Variants in AGO2 observed in about 807,000 individuals in gnomAD.
AGO2 encodes argonaute RISC catalytic component 2, also known as protein argonaute-2.
Under a neutral mutation model 102.3 loss-of-function variants are expected in AGO2, and 5 were observed. That is an observed-to-expected ratio of 0.05 (90% CI 0.03 to 0.10). AGO2 has a LOEUF of 0.10. Among genes scored for constraint, AGO2 ranks in the 10% least tolerant of loss-of-function variants. AGO2 has a pLI of 1.00. For synonymous variants in AGO2, 449 were observed against 473.1 expected, an observed-to-expected ratio of 0.95 and a Z score of 0.66; for missense variants, 541 against 1,183.7, an observed-to-expected ratio of 0.46 and a Z score of 7.97.
intron 1 of AGO2, among the ~76,000 whole-genome samples, chr8:140,622,101 G>A (rs967277660): frequency 4.6e-5 from 7 of 152,216 alleles, no homozygotes; most frequent in African/African-American, 9.6e-5. Context: ...CGTGTGAACC[G>A]TGAAGACATG....
At chr8:140,629,607 C>T (rs896312224) in intron 1 of AGO2, among the ~76,000 whole-genome samples, 2 of 151,952 alleles carry the variant, frequency 1.3e-5, no homozygotes, top group East Asian at 3.9e-4. Flanking sequence ...TGGGAGGCTG[C>T]GGCAGGTGGG....
chr8:140,579,008 C>T (rs1440954494), intron 2 of AGO2, among the ~76,000 whole-genome samples: 4 of 152,144 alleles, frequency 2.6e-5, no homozygotes, highest in East Asian at 3.9e-4. Flanking sequence ...TTTCACATAA[C>T]GATAAAGCTA....
At chr8:140,586,009 A>G (rs1318310724) in intron 1 of AGO2, among the ~76,000 whole-genome samples, 1 of 152,248 alleles carries the variant, frequency 6.6e-6, no homozygotes, top group African/African-American at 2.4e-5. Context: ...TGAGAAAACT[A>G]ACATGCTTTC....
chr8:140,633,070 G>A (rs1400336989), intron 1 of AGO2, among the ~76,000 whole-genome samples: 1 of 151,848 alleles, frequency 6.6e-6, no homozygotes, highest in African/African-American at 2.4e-5. Flanking sequence ...GCACCACCAC[G>A]CCCAGCTAAT....
At chr8:140,608,623 A>G (rs884934) in intron 1 of AGO2, among the ~76,000 whole-genome samples, 124,352 of 152,174 alleles carry the variant, frequency 0.82, 51,118 homozygotes, top group African/African-American at 0.86. Context: ...GCAGCACCGC[A>G]TGCCACCTGG....
intron 13 of AGO2, among the ~76,000 whole-genome samples, chr8:140,545,085 A>G (rs1175295222): frequency 6.6e-6 from 1 of 152,116 alleles, no homozygotes; most frequent in Admixed American, 6.5e-5. Flanking sequence ...AACCAGGTAC[A>G]TGAGGCCCTC....
chr8:140,618,503 T>C (rs1018836561), intron 1 of AGO2, among the ~76,000 whole-genome samples: 1 of 149,684 alleles, frequency 6.7e-6, no homozygotes, highest in African/African-American at 2.5e-5. Context: ...AGAACTATTG[T>C]AAATATACAA....
At chr8:140,633,598 G>A (rs2152112432) in intron 1 of AGO2, among the ~76,000 whole-genome samples, 1 of 152,306 alleles carries the variant, frequency 6.6e-6, no homozygotes, top group South Asian at 2.1e-4. Flanking sequence ...CAGTGAGCTG[G>A]GGTGGCTTCC....
intron 1 of AGO2, among the ~76,000 whole-genome samples, chr8:140,593,765 A>T (rs1041890310): frequency 6.6e-6 from 1 of 152,136 alleles, no homozygotes; most frequent in Non-Finnish European, 1.5e-5. Flanking sequence ...CGGGCAAGGC[A>T]GGCAGGATCC....
At chr8:140,564,407 T>C (rs1040224754) in intron 3 of AGO2, among the ~76,000 whole-genome samples, 3 of 152,168 alleles carry the variant, frequency 2.0e-5, no homozygotes, top group Admixed American at 6.5e-5. Flanking sequence ...ACTCTTTAAA[T>C]AAATGTACAT....
At chr8:140,631,388 G>A (rs1240056844) in intron 1 of AGO2, among the ~76,000 whole-genome samples, 6 of 151,934 alleles carry the variant, frequency 3.9e-5, no homozygotes, top group African/African-American at 1.2e-4. Flanking sequence ...CCAAAAATAC[G>A]AAAATTAGCC....
At chr8:140,556,833 C>T (rs576490803) in intron 8 of AGO2, among the ~76,000 whole-genome samples, 3 of 152,148 alleles carry the variant, frequency 2.0e-5, no homozygotes, top group Non-Finnish European at 2.9e-5. Context: ...CCTCGCGCTG[C>T]GGGGCCTGCT....
intron 3 of AGO2, among the ~76,000 whole-genome samples, chr8:140,569,870 G>A (rs959517140): frequency 6.6e-6 from 1 of 152,192 alleles, no homozygotes; most frequent in Non-Finnish European, 1.5e-5. Flanking sequence ...AGGGCGATGT[G>A]ACACGGGCCC....
intron 17 of AGO2, 123 bp downstream of exon 17, chr8:140,535,345 T>G: frequency 4.1e-6 from 4 of 985,960 alleles, no homozygotes; most frequent in East Asian, 2.7e-5. Flanking sequence ...GGTTCCCTGG[T>G]ACTGCCTGTG....
At chr8:140,607,896 G>T (rs2074025278) in intron 1 of AGO2, among the ~76,000 whole-genome samples, 1 of 152,104 alleles carries the variant, frequency 6.6e-6, no homozygotes, top group Non-Finnish European at 1.5e-5. Flanking sequence ...TAACGCAGTT[G>T]AGTTATGTAC....
rs1230210239 is a variant in AGO2, at chr8:140,539,924, TAAA to T, written c.2035-473_2035-471del. Among the ~76,000 whole-genome samples the T allele has an allele frequency of 6.6e-6, 1 of 151,978 alleles. No individual in the cohort carries two copies. Among genetic ancestry groups the T allele is most frequent in the Non-Finnish European group, 1.5e-5 (1 of 67,994 alleles). ...CAACATGGTGAAACCCCATTTCTACTAAAAATACAAAAATTAACTGGGCGTGGT... is the reference window on the plus strand; with the variant it reads ...CAACATGGTGAAACCCCATTTCTACTAATACAAAAATTAACTGGGCGTGGT... On this transcript the variant is annotated intron_variant, in intron 15 of 18. Coordinates refer to ENST00000220592, the MANE Select transcript of AGO2 (RefSeq NM_012154.5). The surrounding 1 kb of genome is among the most constrained non-coding windows in gnomAD (Gnocchi z 4.7).
intron 1 of AGO2, among the ~76,000 whole-genome samples, chr8:140,616,692 G>A (rs918706865): frequency 2.0e-5 from 3 of 152,220 alleles, no homozygotes; most frequent in Non-Finnish European, 4.4e-5. Context: ...GGGCCTGGGT[G>A]GGAGTCCAGG....
chr8:140,554,007 G>A (rs973942452), intron 10 of AGO2, among the ~76,000 whole-genome samples: 5 of 152,202 alleles, frequency 3.3e-5, no homozygotes, highest in African/African-American at 7.2e-5. Context: ...CAGCCTACAA[G>A]CTCTCTTAAT....
At chr8:140,597,866 C>T (rs2073871120) in intron 1 of AGO2, among the ~76,000 whole-genome samples, 1 of 152,220 alleles carries the variant, frequency 6.6e-6, no homozygotes, top group Non-Finnish European at 1.5e-5. Context: ...AACGCACACG[C>T]CTGTTCCACT....
Sources: allele counts gnomAD v4.1 joint callset (sites outside exome capture counted in the v4.1 genomes callset), GRCh38; gene constraint gnomAD v4.1.1; non-coding constraint Gnocchi (gnomAD v3.1); transcripts MANE v1.5; gene names NCBI Gene and HGNC (gene_info 2026-07-23, HGNC 2026-07-21).